PIGL: variants seen among roughly 807,000 people sequenced by gnomAD.
PIGL encodes phosphatidylinositol glycan anchor biosynthesis class L, also known as N-acetylglucosaminyl-phosphatidylinositol de-N-acetylase.
Under a neutral mutation model 31.1 loss-of-function variants are expected in PIGL, and 22 were observed. That is an observed-to-expected ratio of 0.71 (90% confidence interval 0.51 to 1.01). The LOEUF is 1.01. Ranked by LOEUF, PIGL falls within the 50% of genes least tolerant of loss-of-function variation. The pLI, the probability that PIGL is intolerant of heterozygous loss-of-function variation, is 0.00. For synonymous variants in PIGL, 131 were observed against 117.4 expected, an observed-to-expected ratio of 1.12 and a Z score of -0.75; for missense variants, 302 against 315.9, an observed-to-expected ratio of 0.96 and a Z score of 0.33.
intron 6 of PIGL, among the ~76,000 whole-genome samples, chr17:16,321,545 T>G (rs1568849167): frequency 6.6e-6 from 1 of 152,070 alleles, no homozygotes. Context: ...CGGCCCATAT[T>G]TTCTAAATTT....
intron 2 of PIGL, among the ~76,000 whole-genome samples, chr17:16,241,270 A>G (rs967695628): frequency 4.0e-5 from 6 of 151,864 alleles, no homozygotes; most frequent in African/African-American, 1.5e-4. Context: ...TAAATTAGGC[A>G]TCTTTAGCAT....
intron 2 of PIGL, among the ~76,000 whole-genome samples, chr17:16,244,617 G>A (rs1433966550): frequency 6.6e-6 from 1 of 152,182 alleles, no homozygotes; most frequent in Non-Finnish European, 1.5e-5. Flanking sequence ...AACTTGGGAT[G>A]GGGTTACATT....
intron 3 of PIGL, among the ~76,000 whole-genome samples, chr17:16,300,674 T>A (rs183885689): frequency 3.3e-5 from 5 of 150,756 alleles, no homozygotes; most frequent in Non-Finnish European, 5.9e-5. Context: ...AGTGAGACTC[T>A]GTCTCAGAAA....
chr17:16,256,793 C>G (rs563155441), intron 2 of PIGL, among the ~76,000 whole-genome samples: 2 of 151,630 alleles, frequency 1.3e-5, no homozygotes, highest in South Asian at 4.2e-4. Context: ...CTCCTGGGCT[C>G]AAGTGATCCT....
At chr17:16,293,193 A>G (rs1356541286) in intron 2 of PIGL, among the ~76,000 whole-genome samples, 2 of 152,232 alleles carry the variant, frequency 1.3e-5, no homozygotes, top group Non-Finnish European at 2.9e-5. Flanking sequence ...CTTTTGCCCA[A>G]TGTATACACT....
At chr17:16,229,569 T>A (rs2092669436) in intron 1 of PIGL, among the ~76,000 whole-genome samples, 1 of 151,192 alleles carries the variant, frequency 6.6e-6, no homozygotes, top group Admixed American at 6.6e-5. Context: ...AACTGTTTTC[T>A]GCAGCAACTG....
At chr17:16,253,661 T>A (rs1263483877) in intron 2 of PIGL, among the ~76,000 whole-genome samples, 1 of 152,060 alleles carries the variant, frequency 6.6e-6, no homozygotes, top group Non-Finnish European at 1.5e-5. Context: ...TAGGTAGAAC[T>A]GGCCAGACAC....
At chr17:16,306,249 T>G (rs971375881) in intron 3 of PIGL, among the ~76,000 whole-genome samples, 11 of 151,828 alleles carry the variant, frequency 7.2e-5, no homozygotes, top group African/African-American at 2.7e-4. Flanking sequence ...GCGCCCAGCC[T>G]CGCTGTACAG....
At chr17:16,257,468 G>C (rs770754656) in intron 2 of PIGL, among the ~76,000 whole-genome samples, 53 of 152,058 alleles carry the variant, frequency 3.5e-4, no homozygotes, top group Non-Finnish European at 6.3e-4. Context: ...TCTGAAGATG[G>C]TGAGCCTCTG....
intron 2 of PIGL, among the ~76,000 whole-genome samples, chr17:16,241,067 T>C (rs867931620): frequency 8.1e-5 from 10 of 123,040 alleles, no homozygotes; most frequent in African/African-American, 3.2e-4. Flanking sequence ...TGAGCCGAAA[T>C]CACGCCATTG....
chr17:16,309,431 T>C (rs920686893), intron 3 of PIGL, among the ~76,000 whole-genome samples: 2 of 152,238 alleles, frequency 1.3e-5, no homozygotes, highest in Non-Finnish European at 2.9e-5. Flanking sequence ...TTGGATTCCA[T>C]TGATGAGCAC....
At chr17:16,233,441 T>C (rs1309825482) in intron 1 of PIGL, among the ~76,000 whole-genome samples, 1 of 152,208 alleles carries the variant, frequency 6.6e-6, no homozygotes, top group Non-Finnish European at 1.5e-5. Flanking sequence ...TAGCTGGCTA[T>C]GAAACTCTTC....
intron 4 of PIGL, among the ~76,000 whole-genome samples, chr17:16,315,274 CT>C (rs771912930): frequency 1.3e-5 from 2 of 152,190 alleles, no homozygotes; most frequent in Non-Finnish European, 2.9e-5. Flanking sequence ...CTGCCACAAC[CT>C]TTTTCCCCAC....
intron 3 of PIGL, among the ~76,000 whole-genome samples, chr17:16,306,753 C>T (rs117791020): frequency 0.048 from 7,332 of 151,892 alleles, 217 homozygotes; most frequent in African/African-American, 0.09. Context: ...GGTCTCGAAC[C>T]CCCAACCTCA....
At chr17:16,279,358 T>A (rs2092907790) in intron 2 of PIGL, among the ~76,000 whole-genome samples, 1 of 152,250 alleles carries the variant, frequency 6.6e-6, no homozygotes, top group South Asian at 2.1e-4. Flanking sequence ...ATATTTTAGA[T>A]GCCAGTTCAT....
intron 3 of PIGL, chr17:16,312,524 CCGGGCAGAGGCTGCAATCTCGGCACTT>C (rs1161276562): frequency 2.5e-5 from 4 of 162,948 alleles, no homozygotes; most frequent in Non-Finnish European, 5.4e-5. Flanking sequence ...GGGGTGGCGG[CCGGGCAGAGGCTGCAATCTCGGCACTT>C]TGGGAGGCCA....
chr17:16,262,808 C>T (rs2092824507), intron 2 of PIGL, among the ~76,000 whole-genome samples: 2 of 151,960 alleles, frequency 1.3e-5, no homozygotes, highest in South Asian at 4.1e-4. Flanking sequence ...CAGGTAGAAA[C>T]AACCAAAATG....
intron 2 of PIGL, among the ~76,000 whole-genome samples, chr17:16,294,264 G>A (rs111810770): frequency 6.6e-6 from 1 of 152,222 alleles, no homozygotes; most frequent in African/African-American, 2.4e-5. Flanking sequence ...GCTAGAACTC[G>A]GGTTCTGTGT....
chr17:16,322,840 C>T (rs1054446365), intron 6 of PIGL, among the ~76,000 whole-genome samples: 1 of 152,104 alleles, frequency 6.6e-6, no homozygotes, highest in African/African-American at 2.4e-5. Flanking sequence ...ATTTAATGCC[C>T]CATTTTTCTC....
Sources: gnomAD v4.1 joint callset for allele counts (sites outside exome capture counted in the v4.1 genomes callset) on GRCh38, gnomAD v4.1.1 for gene constraint, MANE v1.5 for transcripts, NCBI Gene and HGNC (gene_info 2026-07-23, HGNC 2026-07-21) for gene names.